Variants in SEC23A observed in about 807,000 individuals in gnomAD.
SEC23A encodes the protein protein transport protein Sec23A.
A neutral mutation model predicts 103.7 loss-of-function variants in SEC23A; 56 were observed. The ratio of observed to expected loss-of-function variants is 0.54; its 90% CI spans 0.44 to 0.67. The LOEUF (loss-of-function observed/expected upper bound fraction) is 0.67. Among genes scored for constraint, SEC23A ranks in the 30% least tolerant of loss-of-function variants. The pLI is 0.00. For missense variants in SEC23A, 784 were observed against 936.4 expected (o/e 0.84, Z 2.12); for synonymous variants, 281 against 293.0 (o/e 0.96, Z 0.42).
Position 39,045,182 on chromosome 14 carries a change from G to T in SEC23A, c.1880C>A (p.Ser627Tyr). Residue 627 changes from serine to tyrosine, a missense_variant, in exon 16 of 20, where the codon TCT (serine) becomes TAT (tyrosine). Coordinates refer to ENST00000307712, the MANE Select transcript of SEC23A (RefSeq NM_006364.4). ...IMIQPILYAY[S>Y]FSGPPEPVLL... ...TCTTACCTCTGGTGGTCCACTAAAAGAATACGCATACAGGATAGGCTGAAT... is the reference window on the plus strand; with the variant it reads ...TCTTACCTCTGGTGGTCCACTAAAATAATACGCATACAGGATAGGCTGAAT... The T allele has an allele frequency of 1.2e-6, 2 of 1,613,494 alleles. No homozygotes were observed. The highest frequency in any genetic ancestry group is 1.1e-5 in the South Asian group (1 of 91,068).
chr14:39,078,044 G>A (rs1887098372), intron 7 of SEC23A, among the ~76,000 whole-genome samples: 1 of 152,040 alleles, frequency 6.6e-6, no homozygotes, highest in African/African-American at 2.4e-5. Context: ...TAGCCCAGGA[G>A]TTCAAGATCA....
At chr14:39,091,429 T>G in intron 5 of SEC23A, 48 bp downstream of exon 5, 3 of 1,348,096 alleles carry the variant, frequency 2.2e-6, no homozygotes, top group East Asian at 2.3e-5. Flanking sequence ...TATAAACATA[T>G]ATAGAGTAAT....
At chr14:39,099,348 C>T (rs1888005281) in intron 1 of SEC23A, among the ~76,000 whole-genome samples, 1 of 151,804 alleles carries the variant, frequency 6.6e-6, no homozygotes, top group Non-Finnish European at 1.5e-5. Context: ...TTAGTAGAGA[C>T]AGGGTTTCAC....
Position 39,085,857 on chromosome 14 carries a change from C to A in SEC23A, c.733G>T (p.Gly245Ter). 6.2e-7 allele frequency: 1 copy of A among 1,613,110 alleles called. No homozygotes were observed. The highest frequency in any genetic ancestry group is 1.6e-4 in the Middle Eastern group (1 of 6,062). ...KIDMNLTDLLGELQRDPWPVP... is the reference protein window; with the variant it reads ...KIDMNLTDLL ...GGCCAAGGGTCTCGCTGGAGTTCTC[C>A]CAGAAGATCTGTGAGATTCATGTCT... The change falls in exon 7 of 20, where the codon GGA becomes TGA. Residue 245 changes from glycine (G) to a stop codon, truncating the protein, a stop_gained. Transcript: ENST00000307712. LOFTEE classifies it high-confidence loss of function.
At chr14:39,055,046 A>G in intron 14 of SEC23A, 97 bp downstream of exon 14, 2 of 1,416,680 alleles carry the variant, frequency 1.4e-6, no homozygotes, top group South Asian at 1.2e-5. Flanking sequence ...AGTATTTCAG[A>G]TACACTGTTA....
chr14:39,056,056 G>A (rs867005621), intron 13 of SEC23A, among the ~76,000 whole-genome samples: 8 of 152,342 alleles, frequency 5.3e-5, no homozygotes, highest in Middle Eastern at 3.4e-3. Flanking sequence ...ACATAAGCCT[G>A]AGTTATGAAC....
At chr14:39,048,031 T>C (rs1411301162) in intron 15 of SEC23A, among the ~76,000 whole-genome samples, 2 of 152,178 alleles carry the variant, frequency 1.3e-5, no homozygotes, top group Non-Finnish European at 2.9e-5. Context: ...TCAGATGAAG[T>C]CCTTCTGGTA....
At chr14:39,076,799 C>T (rs189450045) in intron 7 of SEC23A, among the ~76,000 whole-genome samples, 11 of 151,448 alleles carry the variant, frequency 7.3e-5, no homozygotes, top group Non-Finnish European at 1.5e-4. Context: ...GGGTGGCAGA[C>T]GCCTATAGTC....
At chr14:39,097,422 G>T (rs1351177357) in intron 1 of SEC23A, among the ~76,000 whole-genome samples, 1 of 152,170 alleles carries the variant, frequency 6.6e-6, no homozygotes, top group Non-Finnish European at 1.5e-5. Context: ...ACCCAACATG[G>T]ATGTTTAAAG....
In SEC23A at chr14:39,032,197, C is replaced by T. The variant is rs1171540601; in HGVS notation, c.*1042G>A. On this transcript the variant is annotated 3_prime_UTR_variant, in exon 20 of 20. Transcript: ENST00000307712. ...TTTATCAATGTAAACATATTTGCTA[C>T]AAGTAAACTTTAAAGGTAAAAGTGA... 6.6e-6 allele frequency: 1 copy of T among 152,486 alleles called. No homozygotes were observed. The highest frequency in any genetic ancestry group is 2.4e-5 in the African/African-American group (1 of 41,394). The allele number at this position is 152,486 out of a possible 1,614,324, so 9.4% of individuals were successfully genotyped here.
At chr14:39,061,644 A>G in intron 13 of SEC23A, 121 bp downstream of exon 13, 2 of 727,432 alleles carry the variant, frequency 2.7e-6, no homozygotes, top group South Asian at 2.9e-5. Flanking sequence ...TAAATAAAAT[A>G]CTATTAGTCA....
intron 17 of SEC23A, 63 bp downstream of exon 17, chr14:39,042,723 A>G: frequency 9.8e-7 from 1 of 1,018,516 alleles, no homozygotes; most frequent in Non-Finnish European, 1.6e-6. Context: ...AATTAGAAGT[A>G]AGAAAACCTT....
At chr14:39,091,062 G>A (rs1887645236) in intron 5 of SEC23A, 2 of 410,526 alleles carry the variant, frequency 4.9e-6, no homozygotes, top group African/African-American at 2.2e-5. Context: ...AAGAACCTGA[G>A]GAGTATGATG....
At chr14:39,045,414 T>A in intron 15 of SEC23A, 90 bp from the exon 16 acceptor site, 3 of 860,918 alleles carry the variant, frequency 3.5e-6, no homozygotes, top group Non-Finnish European at 5.5e-6. Context: ...TACAAACTAT[T>A]AACAACATAA....
intron 2 of SEC23A, among the ~76,000 whole-genome samples, chr14:39,094,741 C>G (rs1887828245): frequency 6.6e-6 from 1 of 151,996 alleles, no homozygotes; most frequent in African/African-American, 2.4e-5. Flanking sequence ...GCAGAATGCA[C>G]AGCTACTATA....
intron 2 of SEC23A, chr14:39,094,869 T>C (rs749916784): frequency 1.3e-5 from 8 of 617,954 alleles, no homozygotes; most frequent in Non-Finnish European, 2.0e-5. Context: ...AAGGCAGAAA[T>C]ATATACAGAG....
chr14:39,092,447 A>C, intron 4 of SEC23A, 94 bp downstream of exon 4: 2 of 797,654 alleles, frequency 2.5e-6, no homozygotes, highest in Non-Finnish European at 4.2e-6. Flanking sequence ...TCAATGTGAG[A>C]ATTAAGCATG....
In SEC23A at chr14:39,064,998, A is replaced by C; in HGVS notation, c.1228-5T>G. 1 of 1,598,462 alleles carries C rather than the reference A, an allele frequency of 6.3e-7. No individual in the cohort carries two copies. Among genetic ancestry groups the C allele is most frequent in the Non-Finnish European group, 8.6e-7 (1 of 1,165,772 alleles). ...AATCTTTATTTCCCTTGAGGTCTGC[A>C]AAATAAGAATACAGCATGTTCGGTT... On this transcript the variant is annotated splice_polypyrimidine_tract_variant and splice_region_variant and intron_variant, in intron 10 of 19. Transcript: ENST00000307712.
chr14:39,077,556 G>C (rs1296894729), intron 7 of SEC23A, among the ~76,000 whole-genome samples: 2 of 150,982 alleles, frequency 1.3e-5, no homozygotes, highest in African/African-American at 4.9e-5. Flanking sequence ...AAGAAAGAAA[G>C]AGAAAGAGAG....
Sources: allele counts gnomAD v4.1 joint callset (sites outside exome capture counted in the v4.1 genomes callset), GRCh38; gene constraint gnomAD v4.1.1; transcripts MANE v1.5; gene names NCBI Gene and HGNC (gene_info 2026-07-23, HGNC 2026-07-21).